Variants in KDM4C observed in about 807,000 individuals in gnomAD.
KDM4C encodes lysine-specific demethylase 4C.
KDM4C carries 81 observed loss-of-function variants against 129.3 expected under a neutral mutation model. The ratio of observed to expected loss-of-function variants is 0.63; its 90% CI spans 0.52 to 0.75. The LOEUF is 0.75. Among genes scored for constraint, KDM4C ranks in the 30% least tolerant of loss-of-function variants. KDM4C has a pLI of 0.00. For synonymous variants in KDM4C, 573 were observed against 456.1 expected (o/e 1.26, Z -3.26); for missense variants, 1,457 against 1,304.0 (o/e 1.12, Z -1.81).
intron 15 of KDM4C, among the ~76,000 whole-genome samples, chr9:7,033,154 T>G (rs1268423667): frequency 6.6e-6 from 1 of 151,776 alleles, no homozygotes; most frequent in Admixed American, 6.6e-5. Context: ...TTTTTTTTTT[T>G]TTTTTTAATT....
rs1822738847 is a variant in KDM4C, at chr9:7,011,740, CAG to C, written c.1832_1833del (p.Glu611ValfsTer16). On this transcript the variant is annotated frameshift_variant, in exon 13 of 22. Transcript: ENST00000381309. LOFTEE classifies it high-confidence loss of function. The stretch of plus-strand genomic sequence containing the variant: ...TCCATTGAGGAGGAAGTGGAAGAAA[CAG>C]AGTCTTGGGCGAAACCTCTCATCCA... 2 of 1,614,130 alleles carry C rather than the reference CAG, an allele frequency of 1.2e-6. No individual in the cohort carries two copies. Among genetic ancestry groups the C allele is most frequent in the Non-Finnish European group, 1.7e-6 (2 of 1,179,996 alleles).
chr9:6,859,260 G>A lies in KDM4C; in HGVS notation c.629+9560G>A, dbSNP rs191145981. ...TGGGAGGCCGAGGCAGGCAGATCAC[G>A]AGGTCAAGAGATCAAGACCATCCTG... On this transcript the variant is annotated intron_variant, in intron 5 of 21. Transcript: ENST00000381309. Among the ~76,000 whole-genome samples the A allele has an allele frequency of 8.4e-4, 128 of 152,038 alleles. 3 individuals are homozygous for A. Among genetic ancestry groups the A allele is most frequent in the South Asian group, 8.3e-4 (4 of 4,824 alleles).
upstream of KDM4C, chr9:6,757,880 T>C: frequency 1.0e-6 from 1 of 985,538 alleles, no homozygotes; most frequent in Non-Finnish European, 1.2e-6. Context: ...AGCAAGAGCG[T>C]GCCGGGCACC....
chr9:6,766,931 T>G (rs920058894), intron 1 of KDM4C, among the ~76,000 whole-genome samples: 1 of 152,148 alleles, frequency 6.6e-6, no homozygotes, highest in Non-Finnish European at 1.5e-5. Flanking sequence ...TTTGCATTTG[T>G]TTTTTGTACC....
intron 8 of KDM4C, among the ~76,000 whole-genome samples, chr9:6,966,563 T>C (rs950692526): frequency 3.9e-5 from 6 of 152,214 alleles, no homozygotes; most frequent in African/African-American, 9.6e-5. Flanking sequence ...AGTAAAAATA[T>C]CTCTGTTTGT....
At chr9:7,082,501 G>A (rs191434705) in intron 17 of KDM4C, among the ~76,000 whole-genome samples, 1 of 152,182 alleles carries the variant, frequency 6.6e-6, no homozygotes, top group Non-Finnish European at 1.5e-5. Context: ...GATGGTGGAA[G>A]GGATATGGCT....
chr9:6,805,323 C>T (rs1588393817), intron 2 of KDM4C, among the ~76,000 whole-genome samples: 1 of 152,248 alleles, frequency 6.6e-6, no homozygotes, highest in South Asian at 2.1e-4. Flanking sequence ...TTCTGTGTGT[C>T]TTTCAATTTT....
intron 1 of KDM4C, among the ~76,000 whole-genome samples, chr9:6,772,468 T>C (rs1449375935): frequency 6.6e-6 from 1 of 152,128 alleles, no homozygotes; most frequent in Non-Finnish European, 1.5e-5. Context: ...TTCAAGCGAT[T>C]CTCCTGCCTC....
At chr9:6,948,225 C>T (rs1403664372) in intron 8 of KDM4C, 3 of 152,206 alleles carry the variant, frequency 2.0e-5, no homozygotes, top group Non-Finnish European at 2.9e-5. Context: ...TTGTGACTTA[C>T]ACAGTTATTT....
chr9:6,861,646 C>A (rs533062017), intron 5 of KDM4C, among the ~76,000 whole-genome samples: 8 of 152,266 alleles, frequency 5.3e-5, no homozygotes, highest in African/African-American at 1.9e-4. Flanking sequence ...ATGAATCTAT[C>A]CCCTCCTCTC....
intron 1 of KDM4C, among the ~76,000 whole-genome samples, chr9:6,747,096 G>C (rs1446607798): frequency 6.6e-6 from 1 of 151,698 alleles, no homozygotes; most frequent in Non-Finnish European, 1.5e-5. Context: ...AGGAGTCTGA[G>C]GTGGGAGGAT....
At chr9:7,001,128 G>A (rs972768994) in intron 12 of KDM4C, among the ~76,000 whole-genome samples, 2 of 152,182 alleles carry the variant, frequency 1.3e-5, no homozygotes, top group African/African-American at 4.8e-5. Context: ...CCTTTTGGAG[G>A]TGTTAGGTTC....
chr9:6,788,026 C>A (rs1825829565), intron 1 of KDM4C, among the ~76,000 whole-genome samples: 1 of 152,204 alleles, frequency 6.6e-6, no homozygotes, highest in African/African-American at 2.4e-5. Flanking sequence ...CTTGAAGAGT[C>A]CGATAGTCTC....
chr9:7,076,629 C>G, intron 17 of KDM4C: 1 of 1,394,458 alleles, frequency 7.2e-7, no homozygotes, highest in South Asian at 1.8e-5. Context: ...CTGATTGAGT[C>G]AGACCCTGGA....
chr9:6,854,058 A>G (rs138247154), intron 5 of KDM4C, among the ~76,000 whole-genome samples: 1 of 152,154 alleles, frequency 6.6e-6, no homozygotes, highest in Non-Finnish European at 1.5e-5. Context: ...GTAGTTACTT[A>G]AAGTCTGAAC....
rs1049953181 is a variant in KDM4C at position 7,174,849 on chromosome 9, G to C, written c.*120G>C. 3.3e-5 allele frequency: 26 copies of C among 794,390 alleles called. No homozygotes were observed. The highest frequency in any genetic ancestry group is 1.4e-5 in the Non-Finnish European group (7 of 499,124). The allele number at this position is 794,390 out of a possible 1,614,324, so 49.2% of individuals were successfully genotyped here. ...TAGGTGACAGGGTGTGTCTCTGACA[G>C]TGGTAAATCGGGTTTCCAGAGTTTG... On this transcript the variant is annotated 3_prime_UTR_variant, in exon 22 of 22. Coordinates refer to ENST00000381309, the MANE Select transcript of KDM4C (RefSeq NM_015061.6).
At chr9:6,893,304 C>G in intron 8 of KDM4C, 72 bp downstream of exon 8, 5 of 1,245,062 alleles carry the variant, frequency 4.0e-6, no homozygotes, top group Non-Finnish European at 5.6e-6. Flanking sequence ...ACCCTACGAT[C>G]CTGTGCAGCA....
chr9:7,097,333 G>T (rs1231710010), intron 17 of KDM4C, among the ~76,000 whole-genome samples: 1 of 152,184 alleles, frequency 6.6e-6, no homozygotes, highest in Non-Finnish European at 1.5e-5. Flanking sequence ...ATTAATTACA[G>T]AAAACTTTGA....
intron 1 of KDM4C, among the ~76,000 whole-genome samples, chr9:6,722,595 C>T (rs1816991698): frequency 6.6e-6 from 1 of 151,582 alleles, no homozygotes; most frequent in Admixed American, 6.6e-5. Context: ...CTCACTGCAA[C>T]CTCTGCCTCC....
Sources: gnomAD v4.1 joint callset for allele counts (sites outside exome capture counted in the v4.1 genomes callset) on GRCh38, gnomAD v4.1.1 for gene constraint, MANE v1.5 for transcripts, NCBI Gene and HGNC (gene_info 2026-07-23, HGNC 2026-07-21) for gene names.